SFT2D1: variants seen among roughly 807,000 people sequenced by gnomAD.
SFT2D1 encodes vesicle transport protein SFT2A.
SFT2D1 carries 24 observed loss-of-function variants against 28.1 expected under a neutral mutation model. That is an observed-to-expected ratio of 0.85 (90% CI 0.62 to 1.20). SFT2D1 has a LOEUF of 1.20. SFT2D1 is among the 50% of genes most tolerant of loss of function. The probability of loss-of-function intolerance (pLI) is 0.00; values close to 1 mark genes in which losing one functional copy is unlikely to be tolerated. For synonymous variants in SFT2D1, 82 were observed against 73.7 expected, an observed-to-expected ratio of 1.11 and a Z score of -0.58; for missense variants, 181 against 190.9, an observed-to-expected ratio of 0.95 and a Z score of 0.31.
At chr6:166,328,979 T>C (rs374627189) in intron 3 of SFT2D1, among the ~76,000 whole-genome samples, 3 of 152,212 alleles carry the variant, frequency 2.0e-5, no homozygotes, top group African/African-American at 7.2e-5. Flanking sequence ...ATCCCATCTT[T>C]TTCTGGCTTA....
In SFT2D1 at chr6:166,324,516, C is replaced by T. The variant is rs371730358; in HGVS notation, c.410+21G>A. 2.5e-6 allele frequency: 4 copies of T among 1,604,898 alleles called. No individual in the cohort carries two copies. In the African/African-American group the frequency reaches 4.0e-5, roughly 16 times the overall value. ...CGTCTCAGGCAATTTTAACACTTCACTAGGGTAAGGAAAGACTTACCAGGT... is the reference window on the plus strand; with the variant it reads ...CGTCTCAGGCAATTTTAACACTTCATTAGGGTAAGGAAAGACTTACCAGGT... On this transcript the variant is annotated intron_variant, in intron 6 of 7. Transcript: ENST00000361731.
At chr6:166,325,077 A>G (rs572436660) in intron 5 of SFT2D1, among the ~76,000 whole-genome samples, 1 of 152,300 alleles carries the variant, frequency 6.6e-6, no homozygotes, top group Non-Finnish European at 1.5e-5. Context: ...TTGTTTTAAA[A>G]TATTTTCAGA....
At chr6:166,320,328 C>T (rs1778327174) in intron 7 of SFT2D1, 72 bp from the exon 8 acceptor site, 1 of 1,258,330 alleles carries the variant, frequency 7.9e-7, no homozygotes, top group Non-Finnish European at 1.1e-6. Context: ...AATGTTCCTG[C>T]TAAATCACCT....
chr6:166,325,058 T>C (rs1235978972), intron 5 of SFT2D1, among the ~76,000 whole-genome samples: 1 of 152,220 alleles, frequency 6.6e-6, no homozygotes, highest in Non-Finnish European at 1.5e-5. Context: ...ATATAAACAG[T>C]TTCCATGGTT....
intron 1 of SFT2D1, chr6:166,335,070 A>G (rs1219445466): frequency 1.1e-5 from 6 of 559,792 alleles, no homozygotes; most frequent in Admixed American, 1.9e-5. Flanking sequence ...TCACTCAGAA[A>G]TACCATACTG....
intron 1 of SFT2D1, among the ~76,000 whole-genome samples, chr6:166,332,754 C>T (rs1048693929): frequency 2.6e-5 from 4 of 152,200 alleles, no homozygotes; most frequent in African/African-American, 9.7e-5. Flanking sequence ...AATACAGGCC[C>T]TTGAGGAGGG....
chr6:166,322,756 A>G (rs74531037), intron 7 of SFT2D1, 101 bp downstream of exon 7: 4 of 804,822 alleles, frequency 5.0e-6, no homozygotes, highest in South Asian at 1.6e-5. Context: ...CCAAAAAAAA[A>G]GGGTTTAAAT....
rs1248601677 is a variant in SFT2D1 at position 166,335,216 on chromosome 6, A to G, written c.64-4969T>C. ...GGAGGTGGTTTTGGTGGGAATGACA[A>G]CTTCGGTCATGGAGGAAATTTCAGT... On this transcript the variant is annotated intron_variant, in intron 1 of 7. Coordinates refer to ENST00000361731, the MANE Select transcript of SFT2D1 (RefSeq NM_145169.3). The G allele has an allele frequency of 2.0e-5, 12 of 609,452 alleles. No homozygotes were observed. The East Asian group carries it at 4.3e-4, about 22-fold the overall frequency. 37.8% of individuals were successfully genotyped at this position (609,452 alleles called of 1,614,324 possible).
chr6:166,339,861 C>G (rs767962112), intron 1 of SFT2D1, among the ~76,000 whole-genome samples: 9 of 152,348 alleles, frequency 5.9e-5, no homozygotes, highest in Middle Eastern at 3.4e-3. Flanking sequence ...TCTTGACGAT[C>G]TCATCTCTCT....
At chr6:166,322,573 G>C (rs1234308976) in intron 7 of SFT2D1, among the ~76,000 whole-genome samples, 1 of 150,802 alleles carries the variant, frequency 6.6e-6, no homozygotes, top group Non-Finnish European at 1.5e-5. Flanking sequence ...CGCGCCTGTA[G>C]TCCCAGCTAC....
chr6:166,335,288 T>G, intron 1 of SFT2D1: 1 of 580,752 alleles, frequency 1.7e-6, no homozygotes, highest in South Asian at 1.4e-5. Context: ...TGGCGGTGGA[T>G]ACAGTGGCAG....
intron 1 of SFT2D1, among the ~76,000 whole-genome samples, chr6:166,336,591 G>A (rs1778655170): frequency 1.3e-5 from 2 of 152,134 alleles, no homozygotes; most frequent in Non-Finnish European, 2.9e-5. Context: ...GGCATCTCTG[G>A]TTCACAGATG....
chr6:166,330,194 G>A lies in SFT2D1; in HGVS notation c.117C>T (p.Ile39=). 2 of 1,606,330 alleles carry A rather than the reference G, an allele frequency of 1.2e-6. No individual in the cohort carries two copies. Among genetic ancestry groups the A allele is most frequent in the African/African-American group, 2.7e-5 (2 of 74,452 alleles). Reference sequence around the variant, plus strand: ...AAAAGAAAACGCCACATACGAAGCAGATGGCAAACCATTTCAATCTGGTGT... The same window carrying A: ...AAAAGAAAACGCCACATACGAAGCAAATGGCAAACCATTTCAATCTGGTGT... ...SFNTRLKWFA[I]CFVCGVFFSI... Residue 39 remains isoleucine (I), a synonymous_variant, in exon 2 of 8, where the codon ATC becomes ATT. Coordinates refer to ENST00000361731, the MANE Select transcript of SFT2D1 (RefSeq NM_145169.3).
chr6:166,338,032 G>C (rs1778692736), intron 1 of SFT2D1, among the ~76,000 whole-genome samples: 1 of 152,062 alleles, frequency 6.6e-6, no homozygotes, highest in Non-Finnish European at 1.5e-5. Flanking sequence ...GCCTCACCAA[G>C]AACCCATGAG....
At chr6:166,335,416 A>G in intron 1 of SFT2D1, 1 of 567,636 alleles carries the variant, frequency 1.8e-6, no homozygotes, top group Non-Finnish European at 3.4e-6. Flanking sequence ...TAAAGGGAGG[A>G]AACTTTGGAG....
intron 1 of SFT2D1, among the ~76,000 whole-genome samples, chr6:166,337,155 C>T (rs983215065): frequency 6.6e-6 from 1 of 152,200 alleles, no homozygotes; most frequent in African/African-American, 2.4e-5. Flanking sequence ...CCAGGCCCTT[C>T]GGCCCACCAC....
intron 2 of SFT2D1, 63 bp downstream of exon 2, chr6:166,330,098 T>C: frequency 3.9e-6 from 5 of 1,294,226 alleles, no homozygotes; most frequent in Non-Finnish European, 5.2e-6. Flanking sequence ...TTTTTGGTAC[T>C]AAATGGAATT....
chr6:166,321,971 C>T (rs1778365662), intron 7 of SFT2D1, among the ~76,000 whole-genome samples: 1 of 152,182 alleles, frequency 6.6e-6, no homozygotes, highest in Non-Finnish European at 1.5e-5. Flanking sequence ...GCAACCTCTG[C>T]CTCCTGGGTT....
intron 7 of SFT2D1, among the ~76,000 whole-genome samples, chr6:166,320,661 G>A (rs1018871752): frequency 6.7e-6 from 1 of 149,530 alleles, no homozygotes; most frequent in Non-Finnish European, 1.5e-5. Context: ...GGACTATAGG[G>A]CACACCACTA....
Sources: allele counts gnomAD v4.1 joint callset (sites outside exome capture counted in the v4.1 genomes callset), GRCh38; gene constraint gnomAD v4.1.1; transcripts MANE v1.5; gene names NCBI Gene and HGNC (gene_info 2026-07-23, HGNC 2026-07-21).